The following STK3 variants were observed in gnomAD, a reference collection of about 807,000 sequenced individuals.
The protein encoded by STK3 is serine/threonine kinase 3.
A neutral mutation model predicts 58.0 loss-of-function variants in STK3; 41 were observed. The ratio of observed to expected loss-of-function variants is 0.71; its 90% CI spans 0.55 to 0.92. STK3 has a LOEUF of 0.92. Ranked by LOEUF, STK3 falls within the 40% of genes least tolerant of loss-of-function variation. The probability of loss-of-function intolerance (pLI) is 0.00; values close to 1 mark genes in which losing one functional copy is unlikely to be tolerated. For synonymous variants in STK3, 170 were observed against 191.0 expected (o/e 0.89, Z 0.91); for missense variants, 479 against 602.7 (o/e 0.79, Z 2.15).
chr8:98,893,486 G>GAAAGAGAGAAAGAA (rs776247646), intron 1 of STK3, among the ~76,000 whole-genome samples: 16 of 43,036 alleles, frequency 3.7e-4, no homozygotes, highest in African/African-American at 1.7e-3. Flanking sequence ...AAGAAAGAAA[G>GAAAGAGAGAAAGAA]AGAAAGAAAG....
intron 3 of STK3, among the ~76,000 whole-genome samples, chr8:98,752,968 G>A (rs1830072469): frequency 1.3e-5 from 2 of 151,048 alleles, no homozygotes; most frequent in African/African-American, 4.9e-5. Context: ...AACAGATGCT[G>A]GCAAGGTTGT....
At chr8:98,889,672 A>G (rs1838124601) in intron 1 of STK3, 1 of 152,148 alleles carries the variant, frequency 6.6e-6, no homozygotes, top group South Asian at 2.1e-4. Flanking sequence ...TTTACCCTCA[A>G]CGAATGCATT....
the STK3 span, among the ~76,000 whole-genome samples, chr8:98,354,864 G>A: frequency 6.6e-6 from 1 of 152,114 alleles, no homozygotes; most frequent in Non-Finnish European, 1.5e-5. Context: ...TGCAACCTCC[G>A]CCTGCCAGGT....
rs1299614188 is a variant in STK3, at chr8:98,792,892, C to CTG, written c.27-18075_27-18074dup. ...ATCAATCAACAACTGGATAAAGAGA[C>CTG]TGTATGTGTGTGTGTGTGTGTGTGT... On this transcript the variant is annotated intron_variant, in intron 1 of 10. Coordinates refer to ENST00000419617, the MANE Select transcript of STK3 (RefSeq NM_006281.4). Among the ~76,000 whole-genome samples, 381 of 98,236 alleles carry CTG rather than the reference C, an allele frequency of 3.9e-3. 5 individuals are homozygous for CTG. Among genetic ancestry groups the CTG allele is most frequent in the African/African-American group, 0.016 (366 of 22,648 alleles). 64.4% of individuals were successfully genotyped at this position (98,236 alleles called of 152,430 possible).
At chr8:98,351,053 G>T in the STK3 span, among the ~76,000 whole-genome samples, 2 of 152,148 alleles carry the variant, frequency 1.3e-5, no homozygotes, top group Non-Finnish European at 2.9e-5. Flanking sequence ...ACATATTTAA[G>T]GTATCCAAGA....
At chr8:98,698,983 C>T (rs548614670) in intron 6 of STK3, among the ~76,000 whole-genome samples, 25 of 152,272 alleles carry the variant, frequency 1.6e-4, no homozygotes, top group East Asian at 1.3e-3. Context: ...CCATTCTCCC[C>T]GTCACTTTCA....
chr8:98,601,548 T>C (rs954048551), intron 6 of STK3: 3 of 152,212 alleles, frequency 2.0e-5, no homozygotes, highest in African/African-American at 7.2e-5. Context: ...ATATATTAAC[T>C]TCTTCAAGAA....
chr8:98,750,055 C>A (rs963459701), intron 3 of STK3, among the ~76,000 whole-genome samples: 10 of 151,958 alleles, frequency 6.6e-5, no homozygotes, highest in African/African-American at 2.4e-4. Flanking sequence ...GAAATCTAAC[C>A]TATCTCAAAG....
At chr8:98,891,347 A>G (rs1344876436) in intron 1 of STK3, among the ~76,000 whole-genome samples, 1 of 152,156 alleles carries the variant, frequency 6.6e-6, no homozygotes, top group African/African-American at 2.4e-5. Flanking sequence ...TTGCTTTGTC[A>G]AGTATTCTCG....
At chr8:98,905,235 C>T in intron 1 of STK3, 1 of 854,626 alleles carries the variant, frequency 1.2e-6, no homozygotes, top group East Asian at 2.4e-5. Context: ...TGGACAACTA[C>T]ACATGCATTA....
chr8:98,645,736 C>T (rs377703752), intron 6 of STK3, among the ~76,000 whole-genome samples: 111 of 152,118 alleles, frequency 7.3e-4, no homozygotes, highest in Non-Finnish European at 1.2e-3. Flanking sequence ...TGAAGAATAA[C>T]TATGTAATGA....
chr8:98,730,116 GT>G (rs1828070312), intron 4 of STK3, among the ~76,000 whole-genome samples: 1 of 152,196 alleles, frequency 6.6e-6, no homozygotes, highest in East Asian at 1.9e-4. Flanking sequence ...TGTCACTGGA[GT>G]TGAGAACCAT....
intron 3 of STK3, among the ~76,000 whole-genome samples, chr8:98,835,708 G>A (rs1835721637): frequency 6.6e-6 from 1 of 152,180 alleles, no homozygotes; most frequent in Non-Finnish European, 1.5e-5. Context: ...AGCAAGTTCT[G>A]TCAGCATGGC....
At chr8:98,478,079 C>G (rs1821519458) in intron 10 of STK3, among the ~76,000 whole-genome samples, 2 of 152,178 alleles carry the variant, frequency 1.3e-5, no homozygotes, top group South Asian at 4.2e-4. Context: ...GTAGAAGAAG[C>G]AAGTGGCTCT....
At chr8:98,515,992 A>G (rs946764245) in intron 10 of STK3, among the ~76,000 whole-genome samples, 1 of 152,010 alleles carries the variant, frequency 6.6e-6, no homozygotes, top group African/African-American at 2.4e-5. Flanking sequence ...GTTTTTCCCA[A>G]TACTTATTAG....
intron 8 of STK3, among the ~76,000 whole-genome samples, chr8:98,561,731 A>C (rs1812050117): frequency 6.6e-6 from 1 of 152,182 alleles, no homozygotes; most frequent in African/African-American, 2.4e-5. Flanking sequence ...ATGAAAAGGC[A>C]AATCAAAAAT....
intron 3 of STK3, among the ~76,000 whole-genome samples, chr8:98,849,548 G>A (rs1389563320): frequency 1.3e-5 from 2 of 152,196 alleles, no homozygotes; most frequent in African/African-American, 4.8e-5. Context: ...ACATAACTGA[G>A]AAGTTTGGGA....
intron 9 of STK3, among the ~76,000 whole-genome samples, chr8:98,547,567 G>T (rs887322415): frequency 6.6e-6 from 1 of 151,988 alleles, no homozygotes; most frequent in African/African-American, 2.4e-5. Context: ...CCCATAGCTC[G>T]CACTGCTCTT....
Position 98,725,645 on chromosome 8 carries a change from T to G in STK3, c.352-18334A>C, listed in dbSNP as rs535216828. 3.9e-5 allele frequency among the ~76,000 whole-genome samples: 6 copies of G among 152,276 alleles called. No individual in the cohort carries two copies. In the South Asian group the frequency reaches 1.2e-3, roughly 32 times the overall value. On this transcript the variant is annotated intron_variant, in intron 4 of 10. Coordinates refer to ENST00000419617, the MANE Select transcript of STK3 (RefSeq NM_006281.4). ...AAAAGTAAGATAAGACACAATGATC[T>G]TTTCATATGTTTTTTCTAATGCTGA...
Sources: gnomAD v4.1 joint callset for allele counts (sites outside exome capture counted in the v4.1 genomes callset) on GRCh38, gnomAD v4.1.1 for gene constraint, MANE v1.5 for transcripts, NCBI Gene and HGNC (gene_info 2026-07-23, HGNC 2026-07-21) for gene names.